SLC43A2: variants seen among roughly 807,000 people sequenced by gnomAD.
The protein encoded by SLC43A2 is large neutral amino acids transporter small subunit 4.
SLC43A2 carries 38 observed loss-of-function variants against 63.2 expected under a neutral mutation model. The observed-to-expected ratio is 0.60, with a 90% CI of 0.46 to 0.79. The LOEUF (loss-of-function observed/expected upper bound fraction) is 0.79. Among genes scored for constraint, SLC43A2 ranks in the 30% least tolerant of loss-of-function variants. The pLI is 0.00. For synonymous variants in SLC43A2, 322 were observed against 331.0 expected, an observed-to-expected ratio of 0.97 and a Z score of 0.30; for missense variants, 644 against 756.2, an observed-to-expected ratio of 0.85 and a Z score of 1.74.
chr17:1,593,394 G>T lies in SLC43A2; in HGVS notation c.502-115C>A, dbSNP rs1317494450. 2.2e-6 allele frequency: 2 copies of T among 903,872 alleles called. No homozygotes were observed. Among genetic ancestry groups the T allele is most frequent in the African/African-American group, 1.6e-5 (1 of 61,036 alleles). 56.0% of individuals were successfully genotyped at this position (903,872 alleles called of 1,614,324 possible). A position where few individuals can be genotyped will look rare whatever the true frequency, so the allele number is the denominator to read the frequency against. On this transcript the variant is annotated intron_variant, in intron 5 of 13. Coordinates refer to ENST00000301335, the MANE Select transcript of SLC43A2 (RefSeq NM_152346.3). The surrounding 1 kb of genome is among the most constrained non-coding windows in gnomAD (Gnocchi z 5.3). ...CCCTTCTTCACCTGCGCCCCTTCCT[G>T]TGTGACTCACAGGGGCATTAGTTCA...
rs1248739709 is a variant in SLC43A2 at position 1,585,908 on chromosome 17, C to T, written c.1217+5G>A. 5 of 1,613,730 alleles carry T rather than the reference C, an allele frequency of 3.1e-6. No homozygotes were observed. Among genetic ancestry groups the T allele is most frequent in the South Asian group, 1.1e-5 (1 of 91,086 alleles). ...GGAGCCGGGGCACCGGCCCTGCCTACGCACTGGTTGGCGTCTTTCTCCTCG... is the reference window on the plus strand; with the variant it reads ...GGAGCCGGGGCACCGGCCCTGCCTATGCACTGGTTGGCGTCTTTCTCCTCG... On this transcript the variant is annotated splice_donor_5th_base_variant and intron_variant, in intron 10 of 13. Coordinates refer to ENST00000301335, the MANE Select transcript of SLC43A2 (RefSeq NM_152346.3).
At chr17:1,604,743 C>T in intron 5 of SLC43A2, 5 of 1,535,850 alleles carry the variant, frequency 3.3e-6, no homozygotes, top group Non-Finnish European at 4.4e-6. Context: ...CCCTCACCTC[C>T]TGCTGTTGCC....
intron 11 of SLC43A2, among the ~76,000 whole-genome samples, chr17:1,582,667 A>G (rs901683583): frequency 1.3e-5 from 2 of 152,200 alleles, no homozygotes; most frequent in African/African-American, 4.8e-5. Flanking sequence ...CCCTTTGCAG[A>G]AGACAATCCA....
At chr17:1,629,828 C>G (rs573211159), upstream of SLC43A2, among the ~76,000 whole-genome samples, 1 of 152,308 alleles carries the variant, frequency 6.6e-6, no homozygotes, top group Admixed American at 6.5e-5. Context: ...AGCCCGGGCT[C>G]CGAAAGCTCA....
chr17:1,626,988 G>A (rs1310288672), intron 2 of SLC43A2, among the ~76,000 whole-genome samples: 2 of 152,182 alleles, frequency 1.3e-5, no homozygotes, highest in South Asian at 2.1e-4. Flanking sequence ...GTTGGGTGGT[G>A]CAGATGTCAT....
intron 2 of SLC43A2, among the ~76,000 whole-genome samples, chr17:1,626,253 AG>A (rs887546107): frequency 6.6e-6 from 1 of 150,640 alleles, no homozygotes; most frequent in Non-Finnish European, 1.5e-5. Flanking sequence ...ACGATCTCTA[AG>A]GGGGGAGAGA....
intron 5 of SLC43A2, among the ~76,000 whole-genome samples, chr17:1,594,741 C>T (rs958473060): frequency 2.6e-5 from 4 of 151,414 alleles, no homozygotes; most frequent in Non-Finnish European, 5.9e-5. Context: ...GCGCCCGCCA[C>T]CACACCCGGC....
intron 10 of SLC43A2, chr17:1,585,530 A>C (rs1050618206): frequency 4.2e-5 from 22 of 524,764 alleles, no homozygotes; most frequent in Admixed American, 1.1e-4. Context: ...ATAGGCATGA[A>C]CCACCCTCCC....
intron 2 of SLC43A2, among the ~76,000 whole-genome samples, chr17:1,620,738 T>C (rs888975074): frequency 6.6e-6 from 1 of 152,140 alleles, no homozygotes; most frequent in Middle Eastern, 3.4e-3. Flanking sequence ...AGAAGCTCTG[T>C]TGACAGTAAA....
Position 1,593,322 on chromosome 17 carries a change from C to T in SLC43A2, c.502-43G>A. 6.4e-7 allele frequency: 1 copy of T among 1,571,382 alleles called. No homozygotes were observed. Among genetic ancestry groups the T allele is most frequent in the Non-Finnish European group, 8.7e-7 (1 of 1,145,662 alleles). On this transcript the variant is annotated intron_variant, in intron 5 of 13. Coordinates refer to ENST00000301335, the MANE Select transcript of SLC43A2 (RefSeq NM_152346.3). The surrounding 1 kb of genome is among the most constrained non-coding windows in gnomAD (Gnocchi z 5.3). ...GAGAAACCTCAGTGGGGAGGATGCA[C>T]CAGGGAAGGGGAGGAGGAGGGGACA...
At position 1,576,580 on chromosome 17, in the gene SLC43A2, C is replaced by T; in HGVS notation, c.1548+17G>A. The T allele has an allele frequency of 6.3e-7, 1 of 1,593,262 alleles. No individual in the cohort carries two copies. Among genetic ancestry groups the T allele is most frequent in the South Asian group, 1.1e-5 (1 of 90,374 alleles). Reference sequence around the variant, plus strand: ...GGGGCAGGCGCCCATGACCCACCATCCCCCGACCCCTCTTACCCACAGAGG... The same window carrying T: ...GGGGCAGGCGCCCATGACCCACCATTCCCCGACCCCTCTTACCCACAGAGG... On this transcript the variant is annotated intron_variant, in intron 13 of 13. Coordinates refer to ENST00000301335, the MANE Select transcript of SLC43A2 (RefSeq NM_152346.3).
intron 3 of SLC43A2, among the ~76,000 whole-genome samples, chr17:1,615,500 T>C (rs1598487164): frequency 1.3e-5 from 2 of 149,276 alleles, no homozygotes; most frequent in Non-Finnish European, 3.0e-5. Context: ...CTCCAGTTGC[T>C]TGGGCAACAA....
At position 1,578,387 on chromosome 17, in the gene SLC43A2, C is replaced by T; in HGVS notation, c.1351-64G>A. The T allele has an allele frequency of 6.6e-7, 1 of 1,510,166 alleles. No individual in the cohort carries two copies. 93.5% of individuals were successfully genotyped at this position (1,510,166 alleles called of 1,614,324 possible). A position where few individuals can be genotyped will look rare whatever the true frequency, so the allele number is the denominator to read the frequency against. On this transcript the variant is annotated intron_variant, in intron 11 of 13. Transcript: ENST00000301335. The surrounding 1 kb of genome is among the most constrained non-coding windows in gnomAD (Gnocchi z 6.5). ...AGGGACCGTCCCCTCAGCCCCCGCC[C>T]TCCAATTCCTGGGGGCCCTCACCCC...
In SLC43A2 at chr17:1,578,166, CAG is replaced by C. The variant is rs2075961452; in HGVS notation, c.1424+82_1424+83del. ...CTTCTGGGACAGGCTGACCCTGCCT[CAG>C]AGTCTCAGTCCCACCAGCAACCTCC... On this transcript the variant is annotated intron_variant, in intron 12 of 13. Transcript: ENST00000301335. This position sits in a 1 kb window ranked among gnomAD's most constrained non-coding sequence, Gnocchi z 6.5. 3 of 1,373,078 alleles carry C rather than the reference CAG, an allele frequency of 2.2e-6. No individual in the cohort carries two copies. In the African/African-American group the frequency reaches 4.3e-5, roughly 20 times the overall value. 85.1% of individuals were successfully genotyped at this position (1,373,078 alleles called of 1,614,324 possible).
intron 6 of SLC43A2, among the ~76,000 whole-genome samples, chr17:1,592,907 C>G (rs1904952788): frequency 6.6e-6 from 1 of 152,194 alleles, no homozygotes; most frequent in Admixed American, 6.5e-5. Flanking sequence ...GGGCAAGACT[C>G]ACAACTGGAA....
intron 5 of SLC43A2, among the ~76,000 whole-genome samples, chr17:1,602,017 G>A (rs1372381610): frequency 3.3e-5 from 5 of 151,576 alleles, no homozygotes; most frequent in East Asian, 1.9e-4. Flanking sequence ...GACGTGTACC[G>A]CCCTCCCGAA....
intron 2 of SLC43A2, among the ~76,000 whole-genome samples, chr17:1,619,356 C>T (rs890612732): frequency 6.6e-6 from 1 of 152,066 alleles, no homozygotes; most frequent in Admixed American, 6.6e-5. Context: ...ATCACAATGG[C>T]CAAAAAGATC....
chr17:1,622,818 G>A (rs1275599313), intron 2 of SLC43A2, among the ~76,000 whole-genome samples: 1 of 152,092 alleles, frequency 6.6e-6, no homozygotes, highest in South Asian at 2.1e-4. Context: ...GGAGGCTGAG[G>A]CAGGAGAATC....
At chr17:1,594,812 T>A (rs1054188365) in intron 5 of SLC43A2, among the ~76,000 whole-genome samples, 1 of 151,466 alleles carries the variant, frequency 6.6e-6, no homozygotes, top group Non-Finnish European at 1.5e-5. Context: ...ATGGTCTGGA[T>A]CTCCTGACCT....
Sources: gnomAD v4.1 joint callset for allele counts (sites outside exome capture counted in the v4.1 genomes callset) on GRCh38, gnomAD v4.1.1 for gene constraint, Gnocchi (gnomAD v3.1) non-coding constraint, MANE v1.5 for transcripts, NCBI Gene and HGNC (gene_info 2026-07-23, HGNC 2026-07-21) for gene names.